LEKR1: variants seen among roughly 807,000 people sequenced by gnomAD.
The protein encoded by LEKR1 is leucine, glutamate and lysine rich 1, also known as protein LEKR1.
LEKR1 carries 59 observed loss-of-function variants against 72.4 expected under a neutral mutation model. That is an observed-to-expected ratio of 0.82 (90% CI 0.66 to 1.01). The LOEUF (loss-of-function observed/expected upper bound fraction) is 1.01, where lower values mean the gene tolerates loss of function less well. Ranked by LOEUF, LEKR1 falls within the 50% of genes least tolerant of loss-of-function variation. The probability of loss-of-function intolerance (pLI) is 0.00; values close to 1 mark genes in which losing one functional copy is unlikely to be tolerated. For synonymous variants in LEKR1, 257 were observed against 263.2 expected (o/e 0.98, Z 0.23); for missense variants, 728 against 759.2 (o/e 0.96, Z 0.48).
intron 12 of LEKR1, among the ~76,000 whole-genome samples, chr3:157,044,440 A>C (rs1308405074): frequency 6.6e-6 from 1 of 152,216 alleles, no homozygotes. Flanking sequence ...GAAGAGACTT[A>C]ATTATCTCTA....
chr3:157,045,762 G>A lies in LEKR1; in HGVS notation c.*12G>A. ...GGAGTCAGCAATGATCCAAAATGAGGAGCAGGAAGCTCCCTACAGCGTGCA... is the reference window on the plus strand; with the variant it reads ...GGAGTCAGCAATGATCCAAAATGAGAAGCAGGAAGCTCCCTACAGCGTGCA... On this transcript the variant is annotated 3_prime_UTR_variant, in exon 13 of 13. Transcript: ENST00000356539. 6.2e-7 allele frequency: 1 copy of A among 1,603,498 alleles called. No homozygotes were observed.
At chr3:156,915,727 G>A (rs1723571735) in intron 3 of LEKR1, among the ~76,000 whole-genome samples, 2 of 151,990 alleles carry the variant, frequency 1.3e-5, no homozygotes, top group African/African-American at 2.4e-5. Flanking sequence ...TTACTCTGTC[G>A]ATAGTTTCTT....
chr3:156,959,299 T>C (rs1481400135), intron 6 of LEKR1, among the ~76,000 whole-genome samples: 1 of 152,206 alleles, frequency 6.6e-6, no homozygotes, highest in Non-Finnish European at 1.5e-5. Flanking sequence ...TTAAAGAATA[T>C]ATTAGAAATC....
At chr3:156,942,913 A>G (rs1001640801) in intron 6 of LEKR1, 199 bp downstream of exon 6, 6 of 297,598 alleles carry the variant, frequency 2.0e-5, no homozygotes, top group East Asian at 3.1e-4. Context: ...TTTGCCATTT[A>G]GTGTGGTAAG....
chr3:156,926,312 T>G (rs934308280), intron 4 of LEKR1, among the ~76,000 whole-genome samples: 5 of 152,054 alleles, frequency 3.3e-5, no homozygotes, highest in African/African-American at 1.2e-4. Flanking sequence ...TCTTATGTAT[T>G]AGAAAAGTTT....
At chr3:156,902,030 A>G (rs950225718) in intron 3 of LEKR1, among the ~76,000 whole-genome samples, 6 of 152,128 alleles carry the variant, frequency 3.9e-5, no homozygotes, top group Non-Finnish European at 7.4e-5. Context: ...GGAAGCTCAC[A>G]TATAATTTTC....
intron 7 of LEKR1, chr3:156,988,070 C>T (rs1431089729): frequency 6.5e-6 from 1 of 152,788 alleles, no homozygotes; most frequent in African/African-American, 2.4e-5. Flanking sequence ...AGGATTCAGT[C>T]CATGTGACTT....
chr3:156,833,604 C>T (rs375294171), intron 2 of LEKR1, among the ~76,000 whole-genome samples: 1 of 152,266 alleles, frequency 6.6e-6, no homozygotes, highest in East Asian at 1.9e-4. Flanking sequence ...CCAATTCATA[C>T]TTGACAGTGC....
intron 6 of LEKR1, among the ~76,000 whole-genome samples, chr3:156,966,100 A>T (rs1728551711): frequency 6.6e-6 from 1 of 152,190 alleles, no homozygotes; most frequent in Admixed American, 6.5e-5. Flanking sequence ...AATTTAAAAT[A>T]GTGAAAAAAT....
At chr3:157,012,738 T>C (rs1732993156) in intron 10 of LEKR1, among the ~76,000 whole-genome samples, 1 of 152,126 alleles carries the variant, frequency 6.6e-6, no homozygotes. Flanking sequence ...TGGACTAATG[T>C]TGCTATTTGT....
chr3:156,993,632 A>C (rs1731315038), intron 9 of LEKR1, among the ~76,000 whole-genome samples: 1 of 151,600 alleles, frequency 6.6e-6, no homozygotes, highest in South Asian at 2.1e-4. Context: ...TTTTTCCAAC[A>C]GAAAAGATCT....
chr3:156,915,334 C>T (rs1240896286), intron 3 of LEKR1, among the ~76,000 whole-genome samples: 1 of 151,894 alleles, frequency 6.6e-6, no homozygotes, highest in Non-Finnish European at 1.5e-5. Context: ...TGCTACACTG[C>T]TTTACAATAT....
intron 2 of LEKR1, among the ~76,000 whole-genome samples, chr3:156,851,679 GT>G (rs533404244): frequency 6.6e-5 from 10 of 150,592 alleles, no homozygotes; most frequent in Admixed American, 2.0e-4. Context: ...ATAAAAATGT[GT>G]TTTTTTTTCT....
Position 157,016,839 on chromosome 3 carries a change from A to G in LEKR1, c.1203+5333A>G, listed in dbSNP as rs192076002. Among the ~76,000 whole-genome samples the G allele has an allele frequency of 1.2e-4, 19 of 152,340 alleles. No homozygotes were observed. The East Asian group carries it at 3.5e-3, about 28-fold the overall frequency. ...TATACAATACATGTAGTGATATGTC[A>G]TTAGAAAGTAGACTGTATTGAATTA... On this transcript the variant is annotated intron_variant, in intron 10 of 12. Coordinates refer to ENST00000356539, the MANE Select transcript of LEKR1 (RefSeq NM_001004316.3).
chr3:156,959,316 A>C (rs1388002405), intron 6 of LEKR1, among the ~76,000 whole-genome samples: 1 of 152,212 alleles, frequency 6.6e-6, no homozygotes, highest in Non-Finnish European at 1.5e-5. Flanking sequence ...AATCACTTAA[A>C]TTCACTTTTT....
chr3:156,876,797 T>C (rs1031723385), intron 3 of LEKR1, among the ~76,000 whole-genome samples: 2 of 152,136 alleles, frequency 1.3e-5, no homozygotes, highest in African/African-American at 2.4e-5. Context: ...CCTTTACCAA[T>C]TTGGATGCCT....
intron 7 of LEKR1, chr3:156,979,763 G>A (rs1730015629): frequency 6.6e-6 from 1 of 152,184 alleles, no homozygotes; most frequent in Non-Finnish European, 1.5e-5. Context: ...GAAAACACGT[G>A]ATAAGAAAAT....
At chr3:156,840,770 C>G (rs368650849) in intron 2 of LEKR1, among the ~76,000 whole-genome samples, 5 of 152,220 alleles carry the variant, frequency 3.3e-5, no homozygotes, top group African/African-American at 1.2e-4. Flanking sequence ...CCTTTTAAAT[C>G]ATTACATTCA....
In LEKR1 at chr3:157,012,713, C is replaced by A. The variant is rs1244552879; in HGVS notation, c.1203+1207C>A. Among the ~76,000 whole-genome samples, 4 of 152,216 alleles carry A rather than the reference C, an allele frequency of 2.6e-5. No individual in the cohort carries two copies. The East Asian group carries it at 7.7e-4, about 29-fold the overall frequency. ...AAAAACAGTACCACATGGGCCAAAA[C>A]AAAATTGGAGAATATGGACTAATGT... On this transcript the variant is annotated intron_variant, in intron 10 of 12. Coordinates refer to ENST00000356539, the MANE Select transcript of LEKR1 (RefSeq NM_001004316.3).
Sources: allele counts gnomAD v4.1 joint callset (sites outside exome capture counted in the v4.1 genomes callset), GRCh38; gene constraint gnomAD v4.1.1; transcripts MANE v1.5; gene names NCBI Gene and HGNC (gene_info 2026-07-23, HGNC 2026-07-21).